The following POTEC variants were observed in gnomAD, a reference collection of about 807,000 sequenced individuals.
The protein encoded by POTEC is POTE ankyrin domain family member C.
In POTEC, 35 loss-of-function variants were observed where a neutral mutation model predicts 62.0. The observed-to-expected ratio is 0.56, with a 90% CI of 0.43 to 0.75. The LOEUF is 0.75. Ranked by LOEUF, POTEC falls within the 30% of genes least tolerant of loss-of-function variation. The pLI is 0.00. For synonymous variants in POTEC, 156 were observed against 221.5 expected, an observed-to-expected ratio of 0.70 and a Z score of 2.62; for missense variants, 472 against 655.9, an observed-to-expected ratio of 0.72 and a Z score of 3.06.
At chr18:14,530,817 T>C (rs1176381043) in intron 5 of POTEC, among the ~76,000 whole-genome samples, 3 of 152,172 alleles carry the variant, frequency 2.0e-5, no homozygotes, top group African/African-American at 4.8e-5. Flanking sequence ...TTATAGAAAG[T>C]GTCCCAACTC....
chr18:14,535,120 C>T lies in POTEC; in HGVS notation c.811-113G>A, dbSNP rs548283620. The stretch of plus-strand genomic sequence containing the variant: ...ACAGAAAGTAAATAAAATTTGGTCA[C>T]TTCCTTCTCACTCTTCTGTACTTTC... On this transcript the variant is annotated intron_variant, in intron 3 of 10. Coordinates refer to ENST00000358970, the MANE Select transcript of POTEC (RefSeq NM_001137671.2). The T allele has an allele frequency of 8.6e-5, 131 of 1,519,888 alleles. No individual in the cohort carries two copies. The South Asian group carries it at 1.4e-3, about 16-fold the overall frequency. The allele number at this position is 1,519,888 out of a possible 1,614,324, so 94.2% of individuals were successfully genotyped here.
chr18:14,523,541 G>A (rs1175132559), intron 7 of POTEC, 34 bp from the exon 8 acceptor site: 3 of 1,589,404 alleles, frequency 1.9e-6, no homozygotes, highest in South Asian at 2.3e-5. Flanking sequence ...TAATTTGCTT[G>A]TTGTATTTCC....
At position 14,508,799 on chromosome 18, in the gene POTEC, T is replaced by C. The variant is rs572928789; in HGVS notation, c.*3099A>G. The C allele has an allele frequency of 2.0e-5, 3 of 152,588 alleles. No homozygotes were observed. The highest frequency in any genetic ancestry group is 4.4e-5 in the Non-Finnish European group (3 of 68,072). The allele number at this position is 152,588 out of a possible 1,614,324, so 9.5% of individuals were successfully genotyped here. A position where few individuals can be genotyped will look rare whatever the true frequency, so the allele number is the denominator to read the frequency against. ...GCAGTCATTTGGAGAAAAGAAGGTA[T>C]GCTGAATTTTTGAGTTTTCAGTGTT... On this transcript the variant is annotated 3_prime_UTR_variant, in exon 11 of 11. Transcript: ENST00000358970.
intron 6 of POTEC, chr18:14,528,716 C>A (rs1022271285): frequency 8.1e-6 from 2 of 247,894 alleles, no homozygotes; most frequent in Non-Finnish European, 1.6e-5. Flanking sequence ...TTAGCCACTG[C>A]TCATCTAGTA....
intron 1 of POTEC, among the ~76,000 whole-genome samples, chr18:14,541,174 C>T (rs1598482836): frequency 6.6e-6 from 1 of 152,248 alleles, no homozygotes; most frequent in South Asian, 2.1e-4. Context: ...CAGGCATGAG[C>T]CACCATGGCT....
intron 5 of POTEC, among the ~76,000 whole-genome samples, chr18:14,530,775 G>A (rs1905484261): frequency 1.3e-5 from 2 of 152,098 alleles, no homozygotes; most frequent in Non-Finnish European, 1.5e-5. Flanking sequence ...AGGGCACTGT[G>A]ACCCAGTAAA....
rs544445527 is a variant in POTEC at position 14,516,687 on chromosome 18, T to C, written c.1410-2902A>G. On this transcript the variant is annotated intron_variant, in intron 9 of 10. Transcript: ENST00000358970. ...CTGGGGGGGGGTGTATCCTTACTTTTAAAATATCAAAATGTCATTATTTAT... is the reference window on the plus strand; with the variant it reads ...CTGGGGGGGGGTGTATCCTTACTTTCAAAATATCAAAATGTCATTATTTAT... 1.2e-4 allele frequency among the ~76,000 whole-genome samples: 18 copies of C among 149,982 alleles called. No homozygotes were observed. The East Asian group carries it at 3.6e-3, about 30-fold the overall frequency.
chr18:14,540,888 T>C (rs534929804), intron 1 of POTEC, among the ~76,000 whole-genome samples: 1 of 140,136 alleles, frequency 7.1e-6, no homozygotes, highest in Admixed American at 6.8e-5. Context: ...TATTTATTTA[T>C]TTTTATTTAT....
At chr18:14,538,931 C>A (rs895810402) in intron 1 of POTEC, among the ~76,000 whole-genome samples, 4 of 152,094 alleles carry the variant, frequency 2.6e-5, no homozygotes, top group African/African-American at 9.7e-5. Flanking sequence ...TGGTGCCTTA[C>A]ATTAAGTAGA....
chr18:14,508,203 A>G lies in POTEC; in HGVS notation c.*3695T>C, dbSNP rs865951994. The G allele has an allele frequency of 2.2e-4, 33 of 152,316 alleles. No individual in the cohort carries two copies. The highest frequency in any genetic ancestry group is 3.4e-3 in the Middle Eastern group (1 of 294). The allele number at this position is 152,316 out of a possible 1,614,324, so 9.4% of individuals were successfully genotyped here. A position where few individuals can be genotyped will look rare whatever the true frequency, so the allele number is the denominator to read the frequency against. On this transcript the variant is annotated 3_prime_UTR_variant, in exon 11 of 11. Coordinates refer to ENST00000358970, the MANE Select transcript of POTEC (RefSeq NM_001137671.2). ...CTCCTCATCTCTTTCAGGTACATTA[A>G]TCAGTCATAGATTTGGTCGTTTATA...
intron 9 of POTEC, among the ~76,000 whole-genome samples, chr18:14,521,526 G>T (rs57633277): frequency 6.6e-6 from 1 of 151,824 alleles, no homozygotes; most frequent in Non-Finnish European, 1.5e-5. Flanking sequence ...ATGCTGTAAG[G>T]AATGTCCTTA....
At chr18:14,542,263 A>G (rs918756305) in intron 1 of POTEC, among the ~76,000 whole-genome samples, 22 of 152,226 alleles carry the variant, frequency 1.4e-4, no homozygotes, top group African/African-American at 4.6e-4. Context: ...TTAGCCCAGA[A>G]GTTGATATAT....
In POTEC at chr18:14,542,873, T is replaced by C; in HGVS notation, c.274A>G (p.Lys92Glu). The change falls in exon 1 of 11, where the codon AAG becomes GAG. Residue 92 changes from lysine (K) to glutamate (E), a missense_variant. By Grantham distance (56) the Lys-to-Glu change is moderately conservative (BLOSUM62 1). This residue lies in a region of POTEC where 257 missense variants were observed against 250.7 expected (regional missense o/e 1.03). Transcript: ENST00000358970. ...TSGDHDNSFM[K>E]TLRSKMGKWC... ...TTGCCCATCTTGCTCCTGAGCGTCT[T>C]CATAAAGGAGTTGTCATGGTCTCCA... 1 of 1,303,378 alleles carries C rather than the reference T, an allele frequency of 7.7e-7. No individual in the cohort carries two copies. The allele number at this position is 1,303,378 out of a possible 1,614,324, so 80.7% of individuals were successfully genotyped here. A position where few individuals can be genotyped will look rare whatever the true frequency, so the allele number is the denominator to read the frequency against.
In POTEC at chr18:14,511,864, T is replaced by G. The variant is rs1317554395; in HGVS notation, c.*34A>C. On this transcript the variant is annotated 3_prime_UTR_variant, in exon 11 of 11. Coordinates refer to ENST00000358970, the MANE Select transcript of POTEC (RefSeq NM_001137671.2). ...ACTTTCAATTTCCTCCAAAATTTTA[T>G]TTTCCCTTAGCTGGTTCTGATGTTT... is the stretch of plus-strand genomic sequence containing the variant. The G allele has an allele frequency of 6.2e-7, 1 of 1,606,672 alleles. No homozygotes were observed. Among genetic ancestry groups the G allele is most frequent in the Admixed American group, 1.7e-5 (1 of 59,884 alleles).
intron 9 of POTEC, among the ~76,000 whole-genome samples, chr18:14,520,158 C>T (rs1220274536): frequency 1.3e-5 from 2 of 152,118 alleles, no homozygotes; most frequent in African/African-American, 4.8e-5. Context: ...TTTTCTTCCA[C>T]AGTCATGGAA....
At chr18:14,523,436 C>T (rs1052023609) in intron 8 of POTEC, 27 bp downstream of exon 8, 20 of 1,548,226 alleles carry the variant, frequency 1.3e-5, no homozygotes, top group Admixed American at 3.6e-5. Flanking sequence ...TCTAATTCAA[C>T]AGAAACATTT....
At chr18:14,525,402 G>A (rs1477652964) in intron 6 of POTEC, among the ~76,000 whole-genome samples, 1 of 152,060 alleles carries the variant, frequency 6.6e-6, no homozygotes, top group Non-Finnish European at 1.5e-5. Flanking sequence ...AGGAAAGGTC[G>A]TGGTTACCCT....
At chr18:14,529,873 G>C (rs1905443359) in intron 6 of POTEC, among the ~76,000 whole-genome samples, 1 of 152,018 alleles carries the variant, frequency 6.6e-6, no homozygotes, top group Admixed American at 6.6e-5. Flanking sequence ...GTTCTTTTGT[G>C]ATCAAAAATT....
intron 9 of POTEC, among the ~76,000 whole-genome samples, chr18:14,520,444 A>C (rs1466125697): frequency 6.6e-6 from 1 of 152,050 alleles, no homozygotes; most frequent in African/African-American, 2.4e-5. Context: ...AAAATCAGCC[A>C]ATTCTAGGAC....
Sources: allele counts gnomAD v4.1 joint callset (sites outside exome capture counted in the v4.1 genomes callset), GRCh38; gene constraint gnomAD v4.1.1; regional missense constraint gnomAD v4.1.1; transcripts MANE v1.5; gene names NCBI Gene and HGNC (gene_info 2026-07-23, HGNC 2026-07-21).